The following DPYSL2 variants were observed in gnomAD, a reference collection of about 807,000 sequenced individuals.
DPYSL2 encodes the protein dihydropyrimidinase-related protein 2.
A neutral mutation model predicts 69.9 loss-of-function variants in DPYSL2; 13 were observed. The ratio of observed to expected loss-of-function variants is 0.19; its 90% CI spans 0.12 to 0.30. The LOEUF (loss-of-function observed/expected upper bound fraction) is 0.30, where lower values mean the gene tolerates loss of function less well. Ranked by LOEUF, DPYSL2 falls within the 10% of genes least tolerant of loss-of-function variation. The pLI, the probability that DPYSL2 is intolerant of heterozygous loss-of-function variation, is 1.00. For synonymous variants in DPYSL2, 326 were observed against 359.1 expected, an observed-to-expected ratio of 0.91 and a Z score of 1.04; for missense variants, 587 against 918.9, an observed-to-expected ratio of 0.64 and a Z score of 4.67.
Position 26,644,575 on chromosome 8 carries a change from G to A in DPYSL2, c.1425+484G>A, listed in dbSNP as rs1301815459. 6.6e-6 allele frequency among the ~76,000 whole-genome samples: 1 copy of A among 152,028 alleles called. No homozygotes were observed. Among genetic ancestry groups the A allele is most frequent in the African/African-American group, 2.4e-5 (1 of 41,372 alleles). ...ATGCCTCGGCCTCCCAAAGTGCTGG[G>A]ATTACAGGTGTGAGCCACCACGCCT... On this transcript the variant is annotated intron_variant, in intron 10 of 13. Coordinates refer to ENST00000521913, the MANE Select transcript of DPYSL2 (RefSeq NM_001197293.3). This position sits in a 1 kb window ranked among gnomAD's most constrained non-coding sequence, Gnocchi z 4.5.
rs1465346326 is a variant in DPYSL2, at chr8:26,652,177, G to A, written c.1597-80G>A. On this transcript the variant is annotated intron_variant, in intron 11 of 13. Transcript: ENST00000521913. This position sits in a 1 kb window ranked among gnomAD's most constrained non-coding sequence, Gnocchi z 6.3. ...TGAGTCTCTCTTTTGTCTCTGTGGG[G>A]TTGGGGCAGTGGGTGCTGCCGGGTG... The A allele has an allele frequency of 7.3e-7, 1 of 1,376,642 alleles. No individual in the cohort carries two copies. The highest frequency in any genetic ancestry group is 2.4e-5 in the Admixed American group (1 of 42,130). 85.3% of individuals were successfully genotyped at this position (1,376,642 alleles called of 1,614,324 possible).
At chr8:26,515,204 C>T (rs1025576016) in intron 1 of DPYSL2, among the ~76,000 whole-genome samples, 1 of 152,182 alleles carries the variant, frequency 6.6e-6, no homozygotes, top group Non-Finnish European at 1.5e-5. Flanking sequence ...GAGGCCAGGA[C>T]CATGGTCAGC....
chr8:26,611,540 C>T (rs1218618118), intron 3 of DPYSL2, among the ~76,000 whole-genome samples: 1 of 152,226 alleles, frequency 6.6e-6, no homozygotes, highest in African/African-American at 2.4e-5. Flanking sequence ...GTTTCTCCCA[C>T]TGGTGGAAGG....
intron 1 of DPYSL2, among the ~76,000 whole-genome samples, chr8:26,538,625 A>G (rs1800633965): frequency 6.6e-6 from 1 of 152,168 alleles, no homozygotes; most frequent in Non-Finnish European, 1.5e-5. Flanking sequence ...AGGAGCTGCT[A>G]TTATGTTTCC....
chr8:26,535,603 T>TTAA (rs1298664513), intron 1 of DPYSL2, among the ~76,000 whole-genome samples: 1 of 151,130 alleles, frequency 6.6e-6, no homozygotes, highest in African/African-American at 2.4e-5. Flanking sequence ...GGCCCGTTTA[T>TTAA]ACAAAACAGA....
intron 3 of DPYSL2, chr8:26,623,699 A>G (rs1802549634): frequency 6.4e-6 from 1 of 156,388 alleles, no homozygotes; most frequent in Non-Finnish European, 1.4e-5. Context: ...ATGCCCGGGA[A>G]CTTTTGAAAG....
intron 10 of DPYSL2, among the ~76,000 whole-genome samples, chr8:26,645,259 C>A (rs1197997970): frequency 6.6e-6 from 1 of 151,988 alleles, no homozygotes; most frequent in African/African-American, 2.4e-5. Context: ...ATTAGTGAGG[C>A]ATGGTGGCAG....
At chr8:26,556,367 A>ATATATATATATATATAGTG (rs1800986817) in intron 1 of DPYSL2, among the ~76,000 whole-genome samples, 3 of 83,824 alleles carry the variant, frequency 3.6e-5, no homozygotes, top group East Asian at 6.2e-4. Context: ...TATATATAGT[A>ATATATATATATATATAGTG]TATATATATA....
rs549918218 is a variant in DPYSL2, at chr8:26,654,177, G to C, written c.1942+780G>C. On this transcript the variant is annotated intron_variant, in intron 13 of 13. Transcript: ENST00000521913. This position sits in a 1 kb window ranked among gnomAD's most constrained non-coding sequence, Gnocchi z 5.0. ...TTGCTCCCCCGTGAGGTTGTTGTGAGGGTTAAATGGGTTAATATATATGTA... is the reference window on the plus strand; with the variant it reads ...TTGCTCCCCCGTGAGGTTGTTGTGACGGTTAAATGGGTTAATATATATGTA... Among the ~76,000 whole-genome samples, 1 of 152,152 alleles carries C rather than the reference G, an allele frequency of 6.6e-6. No individual in the cohort carries two copies. Among genetic ancestry groups the C allele is most frequent in the Non-Finnish European group, 1.5e-5 (1 of 68,026 alleles).
intron 3 of DPYSL2, among the ~76,000 whole-genome samples, chr8:26,616,851 GA>G (rs1276997635): frequency 6.6e-6 from 1 of 151,990 alleles, no homozygotes; most frequent in African/African-American, 2.4e-5. Flanking sequence ...CAGGCTGAGT[GA>G]AGGCTCCTCA....
chr8:26,639,022 C>T (rs577391965), intron 8 of DPYSL2, among the ~76,000 whole-genome samples: 2 of 152,342 alleles, frequency 1.3e-5, no homozygotes, highest in Admixed American at 6.5e-5. Context: ...CCTCACCCCT[C>T]TCCCATAACC....
intron 3 of DPYSL2, 28 bp downstream of exon 3, chr8:26,584,011 G>A: frequency 6.2e-7 from 1 of 1,603,352 alleles, no homozygotes; most frequent in South Asian, 1.1e-5. Context: ...CATCATTGTA[G>A]TGCTTAGGAA....
At chr8:26,556,820 C>G (rs1800995805) in intron 1 of DPYSL2, among the ~76,000 whole-genome samples, 1 of 151,974 alleles carries the variant, frequency 6.6e-6, no homozygotes, top group Non-Finnish European at 1.5e-5. Context: ...AAATTAGATA[C>G]CATCTGACTT....
At chr8:26,628,321 C>T (rs1461297320) in intron 7 of DPYSL2, among the ~76,000 whole-genome samples, 1 of 152,202 alleles carries the variant, frequency 6.6e-6, no homozygotes, top group Non-Finnish European at 1.5e-5. Flanking sequence ...TGGAAAAGCT[C>T]TTCTAAATGC....
chr8:26,549,643 G>A (rs1207177828), intron 1 of DPYSL2, among the ~76,000 whole-genome samples: 1 of 152,106 alleles, frequency 6.6e-6, no homozygotes, highest in Non-Finnish European at 1.5e-5. Context: ...GAAAATCAAA[G>A]ACAGAAAGAA....
chr8:26,625,483 A>AC (rs1802593408), intron 4 of DPYSL2, among the ~76,000 whole-genome samples: 1 of 151,988 alleles, frequency 6.6e-6, no homozygotes, highest in Admixed American at 6.6e-5. Context: ...AGCTCCCAGC[A>AC]CCCCCCAGGT....
chr8:26,535,616 G>GATATATATATATATAT (rs542036370), intron 1 of DPYSL2, among the ~76,000 whole-genome samples: 13 of 147,978 alleles, frequency 8.8e-5, no homozygotes, highest in African/African-American at 3.0e-4. Flanking sequence ...AAAACAGACT[G>GATATATATATATATAT]ATATATATAT....
intron 1 of DPYSL2, among the ~76,000 whole-genome samples, chr8:26,518,182 C>A (rs534645787): frequency 5.3e-5 from 8 of 152,216 alleles, no homozygotes; most frequent in African/African-American, 1.9e-4. Context: ...TTAAACAAAA[C>A]GAATGTGTGG....
chr8:26,553,233 T>C (rs914224612), intron 1 of DPYSL2, among the ~76,000 whole-genome samples: 1 of 152,132 alleles, frequency 6.6e-6, no homozygotes, highest in Admixed American at 6.5e-5. Flanking sequence ...TTTTTAAACT[T>C]TTATTTTAGG....
Sources: gnomAD v4.1 joint callset for allele counts (sites outside exome capture counted in the v4.1 genomes callset) on GRCh38, gnomAD v4.1.1 for gene constraint, Gnocchi (gnomAD v3.1) non-coding constraint, MANE v1.5 for transcripts, NCBI Gene and HGNC (gene_info 2026-07-23, HGNC 2026-07-21) for gene names.